Variants in SDC2 observed in about 807,000 individuals in gnomAD.
SDC2 encodes syndecan 2.
Under a neutral mutation model 22.2 loss-of-function variants are expected in SDC2, and 13 were observed. That is an observed-to-expected ratio of 0.59 (90% CI 0.38 to 0.93). The LOEUF is 0.93. Ranked by LOEUF, SDC2 falls within the 40% of genes least tolerant of loss-of-function variation. SDC2 has a pLI of 0.00. For synonymous variants in SDC2, 94 were observed against 92.8 expected (o/e 1.01, Z -0.07); for missense variants, 235 against 246.8 (o/e 0.95, Z 0.32).
Position 96,494,154 on chromosome 8 carries a change from A to C in SDC2, c.-118A>C. 9.4e-7 allele frequency: 1 copy of C among 1,068,436 alleles called. No homozygotes were observed. The highest frequency in any genetic ancestry group is 1.3e-6 in the Non-Finnish European group (1 of 759,516). 66.2% of individuals were successfully genotyped at this position (1,068,436 alleles called of 1,614,324 possible). A position where few individuals can be genotyped will look rare whatever the true frequency, so the allele number is the denominator to read the frequency against. On this transcript the variant is annotated 5_prime_UTR_variant, in exon 1 of 5. Coordinates refer to ENST00000302190, the MANE Select transcript of SDC2 (RefSeq NM_002998.4). ...GCCCGAGTCCCCGAGCCTGAGCCGCAATCGCTGCGGTACTCTGCTCCGGAT... is the reference window on the plus strand; with the variant it reads ...GCCCGAGTCCCCGAGCCTGAGCCGCCATCGCTGCGGTACTCTGCTCCGGAT...
intron 1 of SDC2, among the ~76,000 whole-genome samples, chr8:96,503,857 G>A (rs1299235939): frequency 1.3e-5 from 2 of 152,158 alleles, no homozygotes; most frequent in Non-Finnish European, 2.9e-5. Context: ...CATTTTAGGA[G>A]GTTAGCATCA....
In SDC2 at chr8:96,514,202, A is replaced by G. The variant is rs578119899; in HGVS notation, c.60+19871A>G. ...TTACCTCAAACTTCAAGGGACTCTG[A>G]CAGGTACTTTAACCAGTTAGAATGG... On this transcript the variant is annotated intron_variant, in intron 1 of 4. Transcript: ENST00000302190. Among the ~76,000 whole-genome samples, 200 of 152,286 alleles carry G rather than the reference A, an allele frequency of 1.3e-3. 2 individuals carry two copies. Among genetic ancestry groups the G allele is most frequent in the African/African-American group, 4.5e-3 (189 of 41,550 alleles).
At chr8:96,522,453 G>C (rs933381975) in intron 1 of SDC2, among the ~76,000 whole-genome samples, 2 of 151,860 alleles carry the variant, frequency 1.3e-5, no homozygotes, top group Non-Finnish European at 2.9e-5. Context: ...CTTCACTAAA[G>C]ACATAGTCTT....
chr8:96,579,918 G>T (rs939208432), intron 1 of SDC2, among the ~76,000 whole-genome samples: 1 of 152,070 alleles, frequency 6.6e-6, no homozygotes, highest in African/African-American at 2.4e-5. Context: ...TCTTAGCATG[G>T]GATTGTTTTC....
chr8:96,594,101 A>C (rs531321131), intron 2 of SDC2, among the ~76,000 whole-genome samples: 4 of 152,298 alleles, frequency 2.6e-5, no homozygotes, highest in Admixed American at 1.3e-4. Flanking sequence ...AGCCAAGTAA[A>C]ATGATTATGT....
At chr8:96,573,156 C>T (rs150144784) in intron 1 of SDC2, among the ~76,000 whole-genome samples, 2,109 of 152,118 alleles carry the variant, frequency 0.014, 34 homozygotes, top group Non-Finnish European at 0.02. Context: ...AACTATTTCA[C>T]GTTTTTTCTC....
intron 1 of SDC2, among the ~76,000 whole-genome samples, chr8:96,551,508 C>T (rs940916998): frequency 4.6e-5 from 7 of 152,112 alleles, no homozygotes; most frequent in South Asian, 4.1e-4. Context: ...AGTTTACAGG[C>T]GAAGAAACCG....
chr8:96,518,048 T>C (rs1323837330), intron 1 of SDC2, among the ~76,000 whole-genome samples: 1 of 152,132 alleles, frequency 6.6e-6, no homozygotes, highest in Non-Finnish European at 1.5e-5. Context: ...CCTTTCAGAA[T>C]GTTTTGGAGT....
In SDC2 at chr8:96,494,245, G is replaced by C; in HGVS notation, c.-27G>C. 6.5e-7 allele frequency: 1 copy of C among 1,541,390 alleles called. No homozygotes were observed. ...CGTTTTGCCCTGGTTGCAAGCAGCG[G>C]CTGGGAGCAGCCGGTCCCTGGGGAA... On this transcript the variant is annotated 5_prime_UTR_variant, in exon 1 of 5. Transcript: ENST00000302190.
chr8:96,589,201 A>C (rs912770319), intron 1 of SDC2, among the ~76,000 whole-genome samples: 1 of 152,212 alleles, frequency 6.6e-6, no homozygotes, highest in African/African-American at 2.4e-5. Flanking sequence ...TCAATTTTCC[A>C]ACCTAAAGGT....
chr8:96,502,931 CAT>C (rs773226296), intron 1 of SDC2, among the ~76,000 whole-genome samples: 2 of 152,160 alleles, frequency 1.3e-5, no homozygotes, highest in Non-Finnish European at 2.9e-5. Flanking sequence ...TAGTTGGGCT[CAT>C]CTGATAAGCT....
intron 1 of SDC2, among the ~76,000 whole-genome samples, chr8:96,569,613 G>T (rs935089263): frequency 6.6e-6 from 1 of 152,178 alleles, no homozygotes; most frequent in Non-Finnish European, 1.5e-5. Flanking sequence ...GGAGAGCCTT[G>T]TAATAATACT....
At chr8:96,518,829 G>A (rs1474473529) in intron 1 of SDC2, among the ~76,000 whole-genome samples, 1 of 152,202 alleles carries the variant, frequency 6.6e-6, no homozygotes. Context: ...CTCCTAAGCT[G>A]TTAGTTTTAA....
At chr8:96,601,346 T>TAA (rs1814979959) in intron 2 of SDC2, among the ~76,000 whole-genome samples, 1 of 151,870 alleles carries the variant, frequency 6.6e-6, no homozygotes, top group African/African-American at 2.4e-5. Flanking sequence ...AATCTGCCTG[T>TAA]AAAACCAGGA....
chr8:96,562,677 GAC>G (rs1048584359), intron 1 of SDC2, among the ~76,000 whole-genome samples: 2 of 152,162 alleles, frequency 1.3e-5, no homozygotes, highest in African/African-American at 4.8e-5. Context: ...GAATTCCGTC[GAC>G]ACAATTAGAA....
At chr8:96,494,425 C>A in intron 1 of SDC2, 94 bp downstream of exon 1, 6 of 1,205,440 alleles carry the variant, frequency 5.0e-6, no homozygotes, top group Non-Finnish European at 6.9e-6. Context: ...ACCTGGGGAA[C>A]CCCCAGTCCC....
rs1044520791 is a variant in SDC2 at position 96,539,397 on chromosome 8, G to C, written c.60+45066G>C. On this transcript the variant is annotated intron_variant, in intron 1 of 4. Coordinates refer to ENST00000302190, the MANE Select transcript of SDC2 (RefSeq NM_002998.4). The stretch of plus-strand genomic sequence containing the variant: ...TTTTGTGCTTTGTAGGGTTGTGCAC[G>C]TATAAAGTACTGAAGTATTTATGGA... Among the ~76,000 whole-genome samples the C allele has an allele frequency of 8.5e-5, 13 of 152,276 alleles. No homozygotes were observed. In the East Asian group the frequency reaches 2.5e-3, roughly 29 times the overall value.
At chr8:96,556,055 C>T (rs34555650) in intron 1 of SDC2, among the ~76,000 whole-genome samples, 71,004 of 138,756 alleles carry the variant, frequency 0.51, 19,392 homozygotes, top group Non-Finnish European at 0.66. Flanking sequence ...CACACACACA[C>T]ATACACACAC....
intron 2 of SDC2, among the ~76,000 whole-genome samples, chr8:96,597,692 G>GT (rs1383565169): frequency 6.6e-6 from 1 of 152,208 alleles, no homozygotes; most frequent in Non-Finnish European, 1.5e-5. Context: ...AGACATAAGA[G>GT]TTCTTAAGAG....
Sources: allele counts gnomAD v4.1 joint callset (sites outside exome capture counted in the v4.1 genomes callset), GRCh38; gene constraint gnomAD v4.1.1; transcripts MANE v1.5; gene names NCBI Gene and HGNC (gene_info 2026-07-23, HGNC 2026-07-21).